Variants in PTP4A1 observed in about 807,000 individuals in gnomAD.
The protein encoded by PTP4A1 is protein tyrosine phosphatase type IVA 1.
Under a neutral mutation model 20.5 loss-of-function variants are expected in PTP4A1, and 9 were observed. That is an observed-to-expected ratio of 0.44 (90% CI 0.26 to 0.77). The LOEUF (loss-of-function observed/expected upper bound fraction) is 0.77, where lower values mean the gene tolerates loss of function less well. Among genes scored for constraint, PTP4A1 ranks in the 30% least tolerant of loss-of-function variants. The pLI is 0.19. For missense variants in PTP4A1, 137 were observed against 218.8 expected (o/e 0.63, Z 2.36); for synonymous variants, 78 against 67.4 (o/e 1.16, Z -0.77).
At chr6:63,538,626 A>T (rs2149482157) in intron 2 of PTP4A1, among the ~76,000 whole-genome samples, 1 of 152,336 alleles carries the variant, frequency 6.6e-6, no homozygotes, top group East Asian at 1.9e-4. Context: ...GAAAAAAAGA[A>T]GTTGAGATTG....
At position 63,531,345 on chromosome 6, in the gene PTP4A1, C is replaced by G. The variant is rs56386442; in HGVS notation, c.-640+3261C>G. On this transcript the variant is annotated intron_variant, in intron 2 of 3. Transcript: ENST00000639568. Reference sequence around the variant, plus strand: ...CTGTAACATTTTCAGTCTGGGGGTTCTCTTTAACTAAAACAATAAAAAATT... The same window carrying G: ...CTGTAACATTTTCAGTCTGGGGGTTGTCTTTAACTAAAACAATAAAAAATT... 2.0e-3 allele frequency among the ~76,000 whole-genome samples: 309 copies of G among 151,982 alleles called. 1 individual carries two copies. The highest frequency in any genetic ancestry group is 0.014 in the Middle Eastern group (4 of 294).
chr6:63,524,881 T>G (rs1029442575), intron 1 of PTP4A1, among the ~76,000 whole-genome samples: 1 of 152,232 alleles, frequency 6.6e-6, no homozygotes, highest in Admixed American at 6.5e-5. Flanking sequence ...ATGGACAAAT[T>G]TTTAAATTGC....
chr6:63,579,137 G>C (rs1313128895), intron 4 of PTP4A1, 109 bp downstream of exon 4: 16 of 1,375,970 alleles, frequency 1.2e-5, no homozygotes, highest in Non-Finnish European at 1.5e-5. Context: ...ATTTGTCATA[G>C]GTATTACTTA....
In PTP4A1 at chr6:63,580,415, G is replaced by C; in HGVS notation, c.*241G>C. 2.3e-6 allele frequency: 1 copy of C among 431,746 alleles called. No homozygotes were observed. Among genetic ancestry groups the C allele is most frequent in the Non-Finnish European group, 4.2e-6 (1 of 236,656 alleles). The allele number at this position is 431,746 out of a possible 1,614,324, so 26.7% of individuals were successfully genotyped here. A position where few individuals can be genotyped will look rare whatever the true frequency, so the allele number is the denominator to read the frequency against. ...AGCATATAAAATGTGCTTGTCATTT[G>C]TATCAATTGACCTTTCCCCAAATCA... On this transcript the variant is annotated 3_prime_UTR_variant, in exon 6 of 6. Transcript: ENST00000626021.
intron 2 of PTP4A1, among the ~76,000 whole-genome samples, chr6:63,539,068 T>G (rs1775840220): frequency 6.6e-6 from 1 of 151,954 alleles, no homozygotes; most frequent in African/African-American, 2.4e-5. Context: ...AATTTGTGTT[T>G]TTTTAGTAGA....
At chr6:63,557,786 C>T (rs1014179798) in intron 3 of PTP4A1, among the ~76,000 whole-genome samples, 5 of 151,802 alleles carry the variant, frequency 3.3e-5, no homozygotes, top group South Asian at 2.1e-4. Context: ...AAATATCTTG[C>T]GAAAGAGTTT....
intron 1 of PTP4A1, among the ~76,000 whole-genome samples, chr6:63,525,125 A>T (rs899482794): frequency 6.6e-6 from 1 of 152,210 alleles, no homozygotes; most frequent in African/African-American, 2.4e-5. Context: ...TCAAAGGTGA[A>T]GATTTCTAAG....
chr6:63,531,432 A>C (rs1775457931), intron 2 of PTP4A1, among the ~76,000 whole-genome samples: 1 of 152,152 alleles, frequency 6.6e-6, no homozygotes, highest in South Asian at 2.1e-4. Context: ...TTTTTAATGC[A>C]AAATGCCTAC....
chr6:63,541,315 G>A (rs1205964771), intron 2 of PTP4A1, among the ~76,000 whole-genome samples: 1 of 152,082 alleles, frequency 6.6e-6, no homozygotes, highest in African/African-American at 2.4e-5. Context: ...AAAGGTTTGG[G>A]AGGTCAAGGC....
chr6:63,551,964 C>T (rs191737766), intron 3 of PTP4A1, among the ~76,000 whole-genome samples: 5,880 of 152,208 alleles, frequency 0.039, 387 homozygotes, highest in African/African-American at 0.13. Context: ...TGGGTTGGTT[C>T]CAAGTCTTTG....
chr6:63,549,075 G>C (rs1776324534), intron 2 of PTP4A1: 1 of 714,366 alleles, frequency 1.4e-6, no homozygotes, highest in Admixed American at 2.0e-5. Flanking sequence ...CTCTAGCAAG[G>C]TGGTGATGGT....
chr6:63,524,578 TCA>T (rs1200001124), intron 1 of PTP4A1, among the ~76,000 whole-genome samples: 4 of 152,164 alleles, frequency 2.6e-5, no homozygotes, highest in Non-Finnish European at 4.4e-5. Context: ...ATGAAGCAAT[TCA>T]CAGTTTTTAA....
At chr6:63,554,106 C>G (rs921556073) in intron 3 of PTP4A1, among the ~76,000 whole-genome samples, 11 of 152,100 alleles carry the variant, frequency 7.2e-5, no homozygotes, top group African/African-American at 2.7e-4. Context: ...ACTGAAAGCA[C>G]AAATATTCAA....
At chr6:63,571,671 G>T (rs957787966), upstream of PTP4A1, 19 of 152,216 alleles carry the variant, frequency 1.2e-4, no homozygotes, top group African/African-American at 4.6e-4. Context: ...TATCAAGTGA[G>T]CAGCAGTACA....
intron 2 of PTP4A1, among the ~76,000 whole-genome samples, chr6:63,577,960 C>CT (rs1777975884): frequency 1.4e-5 from 2 of 145,526 alleles, no homozygotes; most frequent in African/African-American, 2.6e-5. Context: ...GGTATGTGGG[C>CT]TTTTTTACTG....
In PTP4A1 at chr6:63,583,506, G is replaced by A. The variant is rs878969336; in HGVS notation, c.*3332G>A. On this transcript the variant is annotated 3_prime_UTR_variant, in exon 6 of 6. Transcript: ENST00000626021. ...AATTAAACCAGTGATATGTGTTAAC[G>A]TATGAATGAAAGGATTGATGGTGAT... is the stretch of plus-strand genomic sequence containing the variant. 1 of 152,206 alleles carries A rather than the reference G, an allele frequency of 6.6e-6. No homozygotes were observed. Among genetic ancestry groups the A allele is most frequent in the East Asian group, 1.9e-4 (1 of 5,200 alleles). 9.4% of individuals were successfully genotyped at this position (152,206 alleles called of 1,614,324 possible).
chr6:63,531,831 C>CT (rs142176912), intron 2 of PTP4A1, among the ~76,000 whole-genome samples: 380 of 144,166 alleles, frequency 2.6e-3, no homozygotes, highest in East Asian at 5.2e-3. Flanking sequence ...GCCACATACA[C>CT]TTTTTTTTTT....
At chr6:63,578,803 A>G in intron 3 of PTP4A1, 95 bp from the exon 4 acceptor site, 2 of 1,251,292 alleles carry the variant, frequency 1.6e-6, no homozygotes, top group Admixed American at 3.0e-5. Flanking sequence ...TAAAATGAGA[A>G]TGCTTTTGAA....
rs542371768 is a variant in PTP4A1, at chr6:63,572,862, C to A, written c.-446+143C>A. The A allele has an allele frequency of 2.1e-4, 81 of 390,912 alleles. 1 individual carries two copies. The South Asian group carries it at 9.8e-3, about 47-fold the overall frequency. 24.2% of individuals were successfully genotyped at this position (390,912 alleles called of 1,614,324 possible). ...CCGGTGGGTCCCGGGTGGGAGCGGG[C>A]GGGTTATGGCCCTGTGGCCGGCCGA... On this transcript the variant is annotated intron_variant, in intron 1 of 5. Coordinates refer to ENST00000626021, the MANE Select transcript of PTP4A1 (RefSeq NM_003463.5).
Sources: gnomAD v4.1 joint callset for allele counts (sites outside exome capture counted in the v4.1 genomes callset) on GRCh38, gnomAD v4.1.1 for gene constraint, MANE v1.5 for transcripts, NCBI Gene and HGNC (gene_info 2026-07-23, HGNC 2026-07-21) for gene names.